Variants in PWP1 observed in about 807,000 individuals in gnomAD.
PWP1 encodes the protein PWP1 homolog, endonuclein.
In PWP1, 47 loss-of-function variants were observed where a neutral mutation model predicts 69.9. The ratio of observed to expected loss-of-function variants is 0.67; its 90% CI spans 0.53 to 0.86. PWP1 has a LOEUF of 0.86. Among genes scored for constraint, PWP1 ranks in the 40% least tolerant of loss-of-function variants. The pLI is 0.00. For synonymous variants in PWP1, 222 were observed against 208.2 expected, an observed-to-expected ratio of 1.07 and a Z score of -0.57; for missense variants, 551 against 608.8, an observed-to-expected ratio of 0.91 and a Z score of 1.00.
At chr12:107,707,380 C>T (rs1464870043) in intron 11 of PWP1, among the ~76,000 whole-genome samples, 1 of 152,046 alleles carries the variant, frequency 6.6e-6, no homozygotes, top group Non-Finnish European at 1.5e-5. Flanking sequence ...TAATTGAATA[C>T]CCTTTATTTC....
chr12:107,690,243 G>A (rs1366388489), intron 3 of PWP1, among the ~76,000 whole-genome samples: 1 of 152,168 alleles, frequency 6.6e-6, no homozygotes, highest in East Asian at 1.9e-4. Context: ...AGAGCTGAGC[G>A]TGGTGGCTCA....
At chr12:107,696,322 T>C (rs2136276370) in intron 5 of PWP1, 152 bp from the exon 6 acceptor site, 1 of 1,221,672 alleles carries the variant, frequency 8.2e-7, no homozygotes, top group South Asian at 1.7e-5. Flanking sequence ...CACGAGCCAC[T>C]GCGCCCAGCC....
chr12:107,696,022 T>C (rs984571370), intron 5 of PWP1, among the ~76,000 whole-genome samples: 6 of 143,516 alleles, frequency 4.2e-5, no homozygotes, highest in East Asian at 4.2e-4. Flanking sequence ...AGTCATGATA[T>C]TGGAATCTTT....
chr12:107,707,955 TC>T (rs928023460), intron 11 of PWP1, among the ~76,000 whole-genome samples: 1 of 151,998 alleles, frequency 6.6e-6, no homozygotes, highest in African/African-American at 2.4e-5. Context: ...AAAACAGCTT[TC>T]TCAAAAGATG....
chr12:107,686,006 CG>C, intron 1 of PWP1, 35 bp downstream of exon 1: 1 of 1,608,904 alleles, frequency 6.2e-7, no homozygotes, highest in Non-Finnish European at 8.5e-7. Context: ...AGGGGAGCAG[CG>C]TCTTTACGGC....
At chr12:107,709,659 A>G (rs1411212870) in intron 13 of PWP1, among the ~76,000 whole-genome samples, 1 of 152,140 alleles carries the variant, frequency 6.6e-6, no homozygotes, top group African/African-American at 2.4e-5. Context: ...ACTATATAGT[A>G]GGAAAAATTT....
At chr12:107,692,465 T>C (rs542126494) in intron 3 of PWP1, among the ~76,000 whole-genome samples, 1 of 152,306 alleles carries the variant, frequency 6.6e-6, no homozygotes, top group East Asian at 1.9e-4. Context: ...TATTTCCAGG[T>C]CCTCAAGGCT....
chr12:107,709,087 G>A (rs1268416226), intron 12 of PWP1, 24 bp from the exon 13 acceptor site: 1 of 1,613,662 alleles, frequency 6.2e-7, no homozygotes, highest in East Asian at 2.2e-5. Context: ...CAAAGCGAAA[G>A]TGTCTAAACT....
intron 12 of PWP1, 28 bp from the exon 13 acceptor site, chr12:107,709,083 G>C (rs370940977): frequency 1.9e-6 from 3 of 1,613,636 alleles, no homozygotes; most frequent in East Asian, 4.5e-5. Flanking sequence ...ATTTCAAAGC[G>C]AAAGTGTCTA....
chr12:107,703,109 T>C (rs1163019123), intron 9 of PWP1, 78 bp downstream of exon 9: 3 of 1,023,406 alleles, frequency 2.9e-6, no homozygotes, highest in East Asian at 2.4e-5. Context: ...CAAACGTTTA[T>C]ATATGGCTTT....
intron 9 of PWP1, among the ~76,000 whole-genome samples, chr12:107,703,421 T>G (rs1049410795): frequency 6.6e-6 from 1 of 152,258 alleles, no homozygotes; most frequent in Admixed American, 6.5e-5. Context: ...ACTTCCCTTT[T>G]TCTTCTGAGT....
chr12:107,711,357 C>G (rs1389914664), intron 14 of PWP1, among the ~76,000 whole-genome samples: 1 of 152,182 alleles, frequency 6.6e-6, no homozygotes, highest in South Asian at 2.1e-4. Context: ...GAACATGTTA[C>G]GGTGCTGAAG....
rs868114455 is a variant in PWP1 at position 107,693,075 on chromosome 12, C to T, written c.481C>T (p.Gln161Ter). 7 of 1,613,008 alleles carry T rather than the reference C, an allele frequency of 4.3e-6. No individual in the cohort carries two copies. In the African/African-American group the frequency reaches 9.4e-5, roughly 22 times the overall value. Reference protein sequence around the residue: ...LIVCGRAEQDQCNLEVHVYNQ... With the variant: ...LIVCGRAEQD ...AGTTTGTGGCCGAGCTGAACAGGACCAGTGCAATTTAGAGGTGCATGGTAA... is the reference window on the plus strand; with the variant it reads ...AGTTTGTGGCCGAGCTGAACAGGACTAGTGCAATTTAGAGGTGCATGGTAA... The change falls in exon 5 of 15, where the codon CAG (glutamine) becomes TAG (stop). Residue 161 changes from glutamine (Q) to a stop codon, truncating the protein, a stop_gained. Transcript: ENST00000412830. LOFTEE classifies it high-confidence loss of function.
chr12:107,685,996 AG>A, intron 1 of PWP1, 25 bp downstream of exon 1: 1 of 1,612,042 alleles, frequency 6.2e-7, no homozygotes, highest in Non-Finnish European at 8.5e-7. Flanking sequence ...CTGGGAGACA[AG>A]GGGAGCAGCG....
chr12:107,711,472 C>T (rs1246284083), intron 14 of PWP1, among the ~76,000 whole-genome samples: 2 of 152,150 alleles, frequency 1.3e-5, no homozygotes, highest in Non-Finnish European at 1.5e-5. Context: ...AGAAATATAG[C>T]ATGGTCTCAA....
Position 107,692,723 on chromosome 12 carries a change from T to C in PWP1, c.320-91T>C, listed in dbSNP as rs868848572. The C allele has an allele frequency of 2.2e-5, 23 of 1,047,664 alleles. No homozygotes were observed. In the African/African-American group the frequency reaches 2.6e-4, roughly 12 times the overall value. The allele number at this position is 1,047,664 out of a possible 1,614,324, so 64.9% of individuals were successfully genotyped here. A position where few individuals can be genotyped will look rare whatever the true frequency, so the allele number is the denominator to read the frequency against. ...CCAGAGTTAGTTATAAAATAGATGATTGCATCTAAGTCCAAGAATGGATGT... is the reference window on the plus strand; with the variant it reads ...CCAGAGTTAGTTATAAAATAGATGACTGCATCTAAGTCCAAGAATGGATGT... On this transcript the variant is annotated intron_variant, in intron 3 of 14. Transcript: ENST00000412830.
chr12:107,696,454 T>C lies in PWP1; in HGVS notation c.503-20T>C. On this transcript the variant is annotated intron_variant, in intron 5 of 14. Transcript: ENST00000412830. ...TGACTCATTCTGATACATTAAAGTC[T>C]CTTTTCCCAATCTTTTCAGTTTATA... is the stretch of plus-strand genomic sequence containing the variant. 6.2e-7 allele frequency: 1 copy of C among 1,608,068 alleles called. No individual in the cohort carries two copies. Among genetic ancestry groups the C allele is most frequent in the South Asian group, 1.1e-5 (1 of 89,786 alleles).
intron 1 of PWP1, among the ~76,000 whole-genome samples, chr12:107,687,302 T>G (rs1347457363): frequency 6.6e-6 from 1 of 152,224 alleles, no homozygotes; most frequent in Non-Finnish European, 1.5e-5. Flanking sequence ...TTATTTCATA[T>G]AAAAATTGTT....
At chr12:107,695,141 C>CT (rs1334458009) in intron 5 of PWP1, among the ~76,000 whole-genome samples, 1 of 150,924 alleles carries the variant, frequency 6.6e-6, no homozygotes, top group African/African-American at 2.4e-5. Context: ...TGGCGGGCGC[C>CT]TGTAGTCCCA....
Sources: gnomAD v4.1 joint callset for allele counts (sites outside exome capture counted in the v4.1 genomes callset) on GRCh38, gnomAD v4.1.1 for gene constraint, MANE v1.5 for transcripts, NCBI Gene and HGNC (gene_info 2026-07-23, HGNC 2026-07-21) for gene names.